CHRNA7: variants seen among roughly 807,000 people sequenced by gnomAD.
CHRNA7 encodes neuronal acetylcholine receptor subunit alpha-7.
A neutral mutation model predicts 48.0 loss-of-function variants in CHRNA7; 17 were observed. That is an observed-to-expected ratio of 0.35 (90% confidence interval 0.24 to 0.53). CHRNA7 has a LOEUF of 0.53. Among genes scored for constraint, CHRNA7 ranks in the 20% least tolerant of loss-of-function variants. The pLI is 0.92. For missense variants in CHRNA7, 155 were observed against 577.7 expected (o/e 0.27, Z 7.50); for synonymous variants, 75 against 242.3 (o/e 0.31, Z 6.41).
At chr15:32,042,265 T>C (rs367950903) in intron 2 of CHRNA7, among the ~76,000 whole-genome samples, 1 of 152,148 alleles carries the variant, frequency 6.6e-6, no homozygotes, top group South Asian at 2.1e-4. Flanking sequence ...CCCACTTGAG[T>C]GCGATAGGAT....
intron 4 of CHRNA7, among the ~76,000 whole-genome samples, chr15:32,137,345 CA>C (rs2051290506): frequency 2.0e-4 from 30 of 147,600 alleles, no homozygotes; most frequent in Admixed American, 1.5e-3. Flanking sequence ...ACCCCCCCCC[CA>C]CACAAACACA....
At chr15:32,070,592 A>G (rs928098728) in intron 2 of CHRNA7, among the ~76,000 whole-genome samples, 2 of 142,528 alleles carry the variant, frequency 1.4e-5, no homozygotes, top group African/African-American at 2.6e-5. Flanking sequence ...AAAAAGGTTT[A>G]TAGTTTAACA....
At chr15:32,130,521 A>G (rs1330872985) in intron 4 of CHRNA7, among the ~76,000 whole-genome samples, 1 of 150,406 alleles carries the variant, frequency 6.6e-6, no homozygotes, top group Non-Finnish European at 1.5e-5. Flanking sequence ...TTTGCAGGGT[A>G]TGTGTGTCTG....
At chr15:32,129,737 A>G (rs1035544170) in intron 4 of CHRNA7, among the ~76,000 whole-genome samples, 2 of 146,492 alleles carry the variant, frequency 1.4e-5, no homozygotes, top group African/African-American at 5.0e-5. Context: ...ATACTTTTAT[A>G]TTTATTATTT....
At chr15:32,030,846 G>T (rs1901789084) in intron 1 of CHRNA7, 52 bp from the exon 2 acceptor site, 3 of 1,588,460 alleles carry the variant, frequency 1.9e-6, no homozygotes, top group South Asian at 2.3e-5. Context: ...GGAGTCGGGG[G>T]TACCCCCGCC....
At chr15:32,148,694 A>T (rs1252757565) in intron 4 of CHRNA7, among the ~76,000 whole-genome samples, 2 of 152,176 alleles carry the variant, frequency 1.3e-5, no homozygotes, top group Non-Finnish European at 2.9e-5. Context: ...GGGCTTCTGA[A>T]TCCTGCCTGG....
rs189991504 is a variant in CHRNA7 at position 32,036,683 on chromosome 15, T to C, written c.195+5646T>C. On this transcript the variant is annotated intron_variant, in intron 2 of 9. Coordinates refer to ENST00000306901, the MANE Select transcript of CHRNA7 (RefSeq NM_000746.6). Reference sequence around the variant, plus strand: ...ATATTTGCATTTCCCTGATGACATATGATGTGGAGCATTTTTTCAGAAGCT... The same window carrying C: ...ATATTTGCATTTCCCTGATGACATACGATGTGGAGCATTTTTTCAGAAGCT... Among the ~76,000 whole-genome samples the C allele has an allele frequency of 1.7e-3, 258 of 152,198 alleles. 1 individual carries two copies. The highest frequency in any genetic ancestry group is 4.3e-3 in the Admixed American group (66 of 15,280).
At chr15:32,087,306 C>A (rs750706084) in intron 2 of CHRNA7, among the ~76,000 whole-genome samples, 3 of 152,180 alleles carry the variant, frequency 2.0e-5, no homozygotes, top group Admixed American at 6.5e-5. Flanking sequence ...TCTGGCTTAA[C>A]AGCACTGGTG....
chr15:32,127,884 C>T (rs2051095465), intron 4 of CHRNA7, among the ~76,000 whole-genome samples: 1 of 152,064 alleles, frequency 6.6e-6, no homozygotes, highest in Non-Finnish European at 1.5e-5. Flanking sequence ...TCTTGGAACT[C>T]ATAGCCTAGA....
At chr15:32,050,363 C>G (rs1469627942) in intron 2 of CHRNA7, among the ~76,000 whole-genome samples, 1 of 152,094 alleles carries the variant, frequency 6.6e-6, no homozygotes, top group African/African-American at 2.4e-5. Context: ...TCTTTTTTCT[C>G]TAAACTTCCC....
At chr15:32,070,737 A>G (rs1194635598) in intron 2 of CHRNA7, among the ~76,000 whole-genome samples, 1 of 117,374 alleles carries the variant, frequency 8.5e-6, no homozygotes, top group African/African-American at 3.3e-5. Context: ...CCCAGGCTGG[A>G]GTGCAGTGGC....
At chr15:32,105,504 GGAGGAGGAGGAGGAGGAAAA>G (rs1416094722) in intron 3 of CHRNA7, among the ~76,000 whole-genome samples, 1 of 142,022 alleles carries the variant, frequency 7.0e-6, no homozygotes, top group Admixed American at 6.8e-5. Flanking sequence ...GAGGAGGAAA[GGAGGAGGAGGAGGAGGAAAA>G]GAGGAGGAGG....
intron 3 of CHRNA7, among the ~76,000 whole-genome samples, chr15:32,104,279 C>T (rs6494224): frequency 2.0e-5 from 3 of 152,060 alleles, no homozygotes; most frequent in Non-Finnish European, 4.4e-5. Context: ...CGTGCCCCCC[C>T]CTCAGGGCCT....
At chr15:32,060,041 A>C (rs1436504074) in intron 2 of CHRNA7, among the ~76,000 whole-genome samples, 3 of 152,008 alleles carry the variant, frequency 2.0e-5, no homozygotes, top group Admixed American at 2.0e-4. Context: ...TTGCTGGAAT[A>C]ATGTAATCCA....
chr15:32,138,411 G>T (rs781303532), intron 4 of CHRNA7, among the ~76,000 whole-genome samples: 1 of 152,052 alleles, frequency 6.6e-6, no homozygotes, highest in Non-Finnish European at 1.5e-5. Flanking sequence ...TAGCATAACT[G>T]TGTGGAAGGT....
chr15:32,097,813 A>G (rs1480993356), intron 2 of CHRNA7, among the ~76,000 whole-genome samples: 3 of 152,178 alleles, frequency 2.0e-5, no homozygotes, highest in Non-Finnish European at 2.9e-5. Flanking sequence ...GTGGCCTCCA[A>G]CTTGGGAGGG....
chr15:32,129,468 A>G (rs1174461356), intron 4 of CHRNA7, among the ~76,000 whole-genome samples: 1 of 151,928 alleles, frequency 6.6e-6, no homozygotes, highest in African/African-American at 2.4e-5. Context: ...TTTATAGCCT[A>G]TTGGTTGAGT....
chr15:32,076,468 G>A (rs1211371257), intron 2 of CHRNA7, among the ~76,000 whole-genome samples: 1 of 152,066 alleles, frequency 6.6e-6, no homozygotes, highest in Non-Finnish European at 1.5e-5. Flanking sequence ...ATTATATCAG[G>A]CCACAACAGA....
chr15:32,074,941 G>A (rs187831061), intron 2 of CHRNA7, among the ~76,000 whole-genome samples: 34 of 152,164 alleles, frequency 2.2e-4, no homozygotes, highest in African/African-American at 6.0e-4. Flanking sequence ...GTGCCACCGC[G>A]GCTGGCCAGA....
Sources: allele counts gnomAD v4.1 joint callset (sites outside exome capture counted in the v4.1 genomes callset), GRCh38; gene constraint gnomAD v4.1.1; transcripts MANE v1.5; gene names NCBI Gene and HGNC (gene_info 2026-07-23, HGNC 2026-07-21).